Variants in TMEM71 observed in about 807,000 individuals in gnomAD.
TMEM71 encodes transmembrane protein 71.
A neutral mutation model predicts 38.0 loss-of-function variants in TMEM71; 44 were observed. That is an observed-to-expected ratio of 1.16 (90% CI 0.91 to 1.49). The LOEUF (loss-of-function observed/expected upper bound fraction) is 1.49, where lower values mean the gene tolerates loss of function less well. Ranked by LOEUF, TMEM71 falls within the 40% of genes most tolerant of loss-of-function variation. The pLI, the probability that TMEM71 is intolerant of heterozygous loss-of-function variation, is 0.00. For synonymous variants in TMEM71, 133 were observed against 122.5 expected, an observed-to-expected ratio of 1.09 and a Z score of -0.56; for missense variants, 367 against 348.6, an observed-to-expected ratio of 1.05 and a Z score of -0.42.
At chr8:132,718,103 T>C (rs1290512262) in intron 7 of TMEM71, among the ~76,000 whole-genome samples, 1 of 152,046 alleles carries the variant, frequency 6.6e-6, no homozygotes, top group Non-Finnish European at 1.5e-5. Flanking sequence ...GAAAGGAGAG[T>C]AACTGCTAAT....
intron 5 of TMEM71, among the ~76,000 whole-genome samples, chr8:132,729,894 C>T (rs1230459303): frequency 2.0e-5 from 3 of 152,010 alleles, no homozygotes; most frequent in African/African-American, 4.8e-5. Flanking sequence ...CTGTTTTGGC[C>T]TATGTAGTGG....
intron 5 of TMEM71, among the ~76,000 whole-genome samples, chr8:132,733,998 A>G (rs1201014915): frequency 6.6e-6 from 1 of 152,022 alleles, no homozygotes; most frequent in Non-Finnish European, 1.5e-5. Context: ...GCCAGGGGAT[A>G]GGGGTTTGGG....
At chr8:132,729,944 T>A (rs2131073358) in intron 5 of TMEM71, among the ~76,000 whole-genome samples, 1 of 151,576 alleles carries the variant, frequency 6.6e-6, no homozygotes, top group African/African-American at 2.4e-5. Flanking sequence ...TATAAGTAAG[T>A]GGGTTTTCAG....
At chr8:132,726,774 C>T (rs1415359159) in intron 6 of TMEM71, among the ~76,000 whole-genome samples, 1 of 152,020 alleles carries the variant, frequency 6.6e-6, no homozygotes, top group Non-Finnish European at 1.5e-5. Flanking sequence ...ATACCAATGC[C>T]TTTATTATCT....
At chr8:132,731,982 A>T (rs1039506408) in intron 5 of TMEM71, among the ~76,000 whole-genome samples, 6 of 152,162 alleles carry the variant, frequency 3.9e-5, no homozygotes, top group African/African-American at 1.4e-4. Flanking sequence ...GGTGGAGCAA[A>T]AGTAAGGCGG....
Position 132,751,866 on chromosome 8 carries a change from T to C in TMEM71, c.233A>G (p.Asp78Gly), listed in dbSNP as rs117725783. ...GCCATCTTTGTCGCACAGGAAGCTG[T>C]CTTCAGTCCAAATATAGTAGCCATT... ...LTNGYYIWTE[D>G]SFLCDKDGNI... The change falls in exon 4 of 10, where the codon GAC becomes GGC. Residue 78 changes from aspartate (D) to glycine (G), a missense_variant. Physicochemically the swap from Asp to Gly is moderately conservative, Grantham distance 94. Transcript: ENST00000677595. 26,728 of 1,614,010 alleles carry C rather than the reference T, an allele frequency of 0.017. 252 individuals carry two copies. Among genetic ancestry groups the C allele is most frequent in the Non-Finnish European group, 0.02 (23,419 of 1,179,998 alleles).
At chr8:132,767,499 A>G in the TMEM71 span, among the ~76,000 whole-genome samples, 1 of 140,718 alleles carries the variant, frequency 7.1e-6, no homozygotes, top group Non-Finnish European at 1.5e-5. Flanking sequence ...TTTTTTAGAT[A>G]GAGTCTTGCT....
chr8:132,720,266 C>G (rs1183997789), intron 7 of TMEM71, among the ~76,000 whole-genome samples: 1 of 152,168 alleles, frequency 6.6e-6, no homozygotes, highest in Non-Finnish European at 1.5e-5. Flanking sequence ...AAATGCAGCC[C>G]TCCCTTAAAG....
chr8:132,714,196 A>G lies in TMEM71; in HGVS notation c.772T>C (p.Leu258=), dbSNP rs1826381865. ...ACARWFMGEI[L]ASVFTCSLMI... The stretch of plus-strand genomic sequence containing the variant: ...AATGAGCATGTGAAGACACTGGCTA[A>G]TATTTCTCCCATAAACCATCTGAAA... Residue 258 remains leucine, a synonymous_variant, in exon 8 of 10, where the codon TTA becomes CTA. Coordinates refer to ENST00000677595, the MANE Select transcript of TMEM71 (RefSeq NM_001382403.1). 1.2e-6 allele frequency: 2 copies of G among 1,612,186 alleles called. No homozygotes were observed. Among genetic ancestry groups the G allele is most frequent in the Non-Finnish European group, 1.7e-6 (2 of 1,179,596 alleles).
upstream of TMEM71, among the ~76,000 whole-genome samples, chr8:132,763,932 A>G (rs137924191): frequency 6.6e-6 from 1 of 152,316 alleles, no homozygotes; most frequent in East Asian, 1.9e-4. Context: ...TTAACACACT[A>G]CAAACAACGA....
chr8:132,725,821 G>A (rs1010162231), intron 6 of TMEM71, among the ~76,000 whole-genome samples: 1 of 152,176 alleles, frequency 6.6e-6, no homozygotes, highest in African/African-American at 2.4e-5. Context: ...GAGACTTGAG[G>A]AAGAGTAGGA....
chr8:132,758,577 CA>C, intron 2 of TMEM71: 1 of 423,430 alleles, frequency 2.4e-6, no homozygotes, highest in Non-Finnish European at 4.2e-6. Flanking sequence ...AGCTGATAAA[CA>C]ATCTCCTTTC....
chr8:132,753,203 A>C (rs1828820126), intron 3 of TMEM71, among the ~76,000 whole-genome samples: 1 of 152,048 alleles, frequency 6.6e-6, no homozygotes, highest in Non-Finnish European at 1.5e-5. Context: ...AATGTTCAGT[A>C]TGTAAATAAA....
At chr8:132,740,573 A>G (rs1035140133) in intron 5 of TMEM71, among the ~76,000 whole-genome samples, 2 of 152,362 alleles carry the variant, frequency 1.3e-5, no homozygotes, top group East Asian at 3.8e-4. Context: ...AAATCTTCCA[A>G]ATGAATTCAT....
At chr8:132,772,057 AC>A in the TMEM71 span, among the ~76,000 whole-genome samples, 2 of 152,188 alleles carry the variant, frequency 1.3e-5, no homozygotes, top group South Asian at 4.1e-4. Context: ...AAAAACTTGA[AC>A]TGCTTTGATT....
chr8:132,715,164 T>A (rs1438514230), intron 7 of TMEM71, among the ~76,000 whole-genome samples: 1 of 151,814 alleles, frequency 6.6e-6, no homozygotes, highest in Non-Finnish European at 1.5e-5. Context: ...CCCAGCACTT[T>A]GGGAGGCCGA....
intron 6 of TMEM71, among the ~76,000 whole-genome samples, chr8:132,725,707 T>C (rs941546479): frequency 1.3e-5 from 2 of 152,212 alleles, no homozygotes; most frequent in African/African-American, 4.8e-5. Context: ...AAACAGTTTC[T>C]ATAGTGATAT....
chr8:132,714,299 A>G, intron 7 of TMEM71, 84 bp from the exon 8 acceptor site: 1 of 1,043,478 alleles, frequency 9.6e-7, no homozygotes, highest in Non-Finnish European at 1.5e-6. Flanking sequence ...CTATAGAATT[A>G]TGATTTCAAG....
intron 5 of TMEM71, among the ~76,000 whole-genome samples, chr8:132,734,247 T>C (rs1827622870): frequency 6.6e-6 from 1 of 152,144 alleles, no homozygotes; most frequent in Non-Finnish European, 1.5e-5. Flanking sequence ...TTACCTTGAT[T>C]GTGGTGATGG....
Sources: gnomAD v4.1 joint callset for allele counts (sites outside exome capture counted in the v4.1 genomes callset) on GRCh38, gnomAD v4.1.1 for gene constraint, MANE v1.5 for transcripts, NCBI Gene and HGNC (gene_info 2026-07-23, HGNC 2026-07-21) for gene names.